TENM4: variants seen among roughly 807,000 people sequenced by gnomAD.
The protein encoded by TENM4 is teneurin-4.
TENM4 carries 82 observed loss-of-function variants against 243.3 expected under a neutral mutation model. The ratio of observed to expected loss-of-function variants is 0.34; its 90% confidence interval spans 0.28 to 0.40. The LOEUF (loss-of-function observed/expected upper bound fraction) is 0.40. Ranked by LOEUF, TENM4 falls within the 10% of genes least tolerant of loss-of-function variation. TENM4 has a pLI of 1.00. For missense variants in TENM4, 3,138 were observed against 3,673.3 expected (o/e 0.85, Z 3.77); for synonymous variants, 1,412 against 1,456.3 (o/e 0.97, Z 0.69).
At chr11:79,289,461 T>C (rs1287182758) in intron 2 of TENM4, among the ~76,000 whole-genome samples, 2 of 152,206 alleles carry the variant, frequency 1.3e-5, no homozygotes, top group Non-Finnish European at 2.9e-5. Context: ...CTGTCACCTG[T>C]GGGCAGTCCA....
intron 6 of TENM4, among the ~76,000 whole-genome samples, chr11:79,049,142 T>C (rs908074951): frequency 6.6e-6 from 1 of 152,102 alleles, no homozygotes; most frequent in African/African-American, 2.4e-5. Flanking sequence ...CTGGCACAGA[T>C]TGCTGAATGG....
intron 19 of TENM4, among the ~76,000 whole-genome samples, chr11:78,742,964 C>T (rs1321503765): frequency 6.6e-6 from 1 of 152,206 alleles, no homozygotes; most frequent in African/African-American, 2.4e-5. Flanking sequence ...TCTGACCTCT[C>T]TGAACCTCCA....
chr11:79,431,037 T>C (rs538941825), intron 1 of TENM4, among the ~76,000 whole-genome samples: 10 of 152,298 alleles, frequency 6.6e-5, no homozygotes, highest in Non-Finnish European at 1.5e-4. Context: ...CCAATTTTCT[T>C]AGGTTAGTTC....
intron 2 of TENM4, among the ~76,000 whole-genome samples, chr11:79,228,367 G>A (rs565560915): frequency 5.9e-5 from 9 of 152,202 alleles, no homozygotes; most frequent in East Asian, 3.9e-4. Context: ...GACCAATGTC[G>A]CCCACAGGAA....
At chr11:79,109,122 C>T (rs758421972) in intron 4 of TENM4, among the ~76,000 whole-genome samples, 2 of 152,178 alleles carry the variant, frequency 1.3e-5, no homozygotes, top group Non-Finnish European at 2.9e-5. Context: ...CATTTACGGC[C>T]GTGAGCAGGG....
At chr11:78,966,984 T>G (rs543567343) in intron 6 of TENM4, among the ~76,000 whole-genome samples, 1 of 152,282 alleles carries the variant, frequency 6.6e-6, no homozygotes, top group East Asian at 1.9e-4. Flanking sequence ...GCCTCTGAGC[T>G]TTTGCACAAG....
intron 4 of TENM4, among the ~76,000 whole-genome samples, chr11:79,103,419 A>G (rs1384888105): frequency 6.6e-6 from 1 of 152,200 alleles, no homozygotes; most frequent in Admixed American, 6.5e-5. Flanking sequence ...TCTGGGGTGC[A>G]TAGAGGTCTA....
chr11:79,124,891 A>ATGTGTATATATGTATATG (rs1340627648), intron 4 of TENM4, among the ~76,000 whole-genome samples: 2 of 57,848 alleles, frequency 3.5e-5, no homozygotes, highest in African/African-American at 6.5e-5. Context: ...ATGTATATGT[A>ATGTGTATATATGTATATG]TATGTGTGTG....
At chr11:78,705,274 CAG>C (rs1420460166) in intron 27 of TENM4, among the ~76,000 whole-genome samples, 1 of 152,092 alleles carries the variant, frequency 6.6e-6, no homozygotes, top group East Asian at 1.9e-4. Context: ...TAGGGGGAGA[CAG>C]AGTCAGTGGA....
chr11:78,829,985 A>G (rs940912491), intron 12 of TENM4, among the ~76,000 whole-genome samples: 7 of 152,212 alleles, frequency 4.6e-5, no homozygotes, highest in African/African-American at 1.4e-4. Flanking sequence ...GTACTGGCTT[A>G]TATCATTCAG....
chr11:79,072,626 G>A (rs1032127981), intron 4 of TENM4, among the ~76,000 whole-genome samples: 1 of 152,132 alleles, frequency 6.6e-6, no homozygotes, highest in Non-Finnish European at 1.5e-5. Flanking sequence ...ACTCTGATAT[G>A]TTCTATCTCA....
intron 3 of TENM4, among the ~76,000 whole-genome samples, chr11:79,201,547 C>T (rs1391960897): frequency 6.7e-6 from 1 of 150,352 alleles, no homozygotes; most frequent in Non-Finnish European, 1.5e-5. Context: ...ACTCAAATAA[C>T]ACACATTTAT....
chr11:79,270,431 A>G (rs905673388), intron 2 of TENM4, among the ~76,000 whole-genome samples: 10 of 152,284 alleles, frequency 6.6e-5, no homozygotes, highest in Non-Finnish European at 1.0e-4. Flanking sequence ...TTAAAAATCT[A>G]ATTACCATAA....
At chr11:78,870,678 G>A (rs1859097878) in intron 9 of TENM4, among the ~76,000 whole-genome samples, 1 of 152,132 alleles carries the variant, frequency 6.6e-6, no homozygotes. Context: ...AGGGAAGGAG[G>A]CCTTTCAGCA....
rs1172511379 is a variant in TENM4, at chr11:78,652,884, G to A, written c.*5174C>T. On this transcript the variant is annotated 3_prime_UTR_variant, in exon 34 of 34. Coordinates refer to ENST00000278550, the MANE Select transcript of TENM4 (RefSeq NM_001098816.3). The stretch of plus-strand genomic sequence containing the variant: ...AGTGCAACGGCTCACATCCCTTGTG[G>A]AAGGCAGTGGCATGGTGGATGACTC... 1.3e-5 allele frequency: 2 copies of A among 152,204 alleles called. No individual in the cohort carries two copies. The highest frequency in any genetic ancestry group is 2.4e-5 in the African/African-American group (1 of 41,450). The allele number at this position is 152,204 out of a possible 1,614,324, so 9.4% of individuals were successfully genotyped here.
chr11:79,160,509 T>C (rs530939), intron 3 of TENM4, among the ~76,000 whole-genome samples: 75,864 of 151,458 alleles, frequency 0.5, 20,073 homozygotes, highest in Middle Eastern at 0.61. Flanking sequence ...GAGATGGAGA[T>C]GGGGGCATCT....
chr11:79,335,092 A>G (rs1444798915), intron 1 of TENM4, among the ~76,000 whole-genome samples: 1 of 152,246 alleles, frequency 6.6e-6, no homozygotes, highest in Non-Finnish European at 1.5e-5. Context: ...AACACTTATC[A>G]CAGGGTTTGT....
chr11:78,859,797 T>A (rs1404040037), intron 10 of TENM4, among the ~76,000 whole-genome samples: 1 of 152,258 alleles, frequency 6.6e-6, no homozygotes, highest in East Asian at 1.9e-4. Flanking sequence ...GCAATTTGCA[T>A]GGTTCAAACT....
intron 1 of TENM4, among the ~76,000 whole-genome samples, chr11:79,341,361 T>G (rs1322622007): frequency 6.6e-6 from 1 of 152,190 alleles, no homozygotes; most frequent in Non-Finnish European, 1.5e-5. Context: ...GACCAGCACT[T>G]ATCCAGTGCC....
Sources: gnomAD v4.1 joint callset for allele counts (sites outside exome capture counted in the v4.1 genomes callset) on GRCh38, gnomAD v4.1.1 for gene constraint, MANE v1.5 for transcripts, NCBI Gene and HGNC (gene_info 2026-07-23, HGNC 2026-07-21) for gene names.